NLGN1: variants seen among roughly 807,000 people sequenced by gnomAD.
NLGN1 encodes neuroligin 1.
A neutral mutation model predicts 65.5 loss-of-function variants in NLGN1; 12 were observed. The observed-to-expected ratio is 0.18, with a 90% confidence interval of 0.12 to 0.30. NLGN1 has a LOEUF of 0.30. NLGN1 is among the 10% of genes least tolerant of loss of function. The probability of loss-of-function intolerance (pLI) is 1.00; values close to 1 mark genes in which losing one functional copy is unlikely to be tolerated. For missense variants in NLGN1, 750 were observed against 1,007.1 expected (o/e 0.74, Z 3.46); for synonymous variants, 350 against 359.5 (o/e 0.97, Z 0.30).
At chr3:173,594,099 T>C (rs573064638) in intron 2 of NLGN1, among the ~76,000 whole-genome samples, 1 of 152,258 alleles carries the variant, frequency 6.6e-6, no homozygotes, top group African/African-American at 2.4e-5. Context: ...AAATCTCATG[T>C]CCTCGCATTT....
chr3:174,138,666 C>T (rs911403095), intron 4 of NLGN1, among the ~76,000 whole-genome samples: 2 of 152,006 alleles, frequency 1.3e-5, no homozygotes, highest in Middle Eastern at 3.4e-3. Flanking sequence ...GATCTCCTGA[C>T]CTCGTGATCC....
At chr3:173,884,490 G>T (rs936426352) in intron 4 of NLGN1, among the ~76,000 whole-genome samples, 1 of 152,044 alleles carries the variant, frequency 6.6e-6, no homozygotes, top group Non-Finnish European at 1.5e-5. Flanking sequence ...TTTCTGTAGT[G>T]TCTGGTAATA....
At chr3:174,079,089 T>A (rs1741604142) in intron 4 of NLGN1, among the ~76,000 whole-genome samples, 1 of 152,034 alleles carries the variant, frequency 6.6e-6, no homozygotes, top group South Asian at 2.1e-4. Flanking sequence ...CTGTATATAC[T>A]CTCAAACAGA....
intron 2 of NLGN1, among the ~76,000 whole-genome samples, chr3:173,530,811 T>G (rs1002013848): frequency 6.6e-6 from 1 of 152,134 alleles, no homozygotes; most frequent in Admixed American, 6.6e-5. Flanking sequence ...TAGTTCATCA[T>G]TTTTCTTTTG....
At chr3:173,948,830 T>A (rs1747676362) in intron 4 of NLGN1, among the ~76,000 whole-genome samples, 1 of 152,216 alleles carries the variant, frequency 6.6e-6, no homozygotes, top group African/African-American at 2.4e-5. Context: ...TTGGACATTA[T>A]ACTTGATTAT....
intron 4 of NLGN1, among the ~76,000 whole-genome samples, chr3:174,157,371 A>C (rs902790688): frequency 1.6e-4 from 24 of 151,902 alleles, no homozygotes; most frequent in Non-Finnish European, 2.9e-5. Context: ...GTATATTTTT[A>C]TATGACATCT....
At chr3:173,430,431 G>C (rs959417586) in intron 1 of NLGN1, among the ~76,000 whole-genome samples, 24 of 152,070 alleles carry the variant, frequency 1.6e-4, no homozygotes, top group African/African-American at 5.8e-4. Context: ...CTCTAAGTTT[G>C]GAATTGTCTG....
intron 1 of NLGN1, among the ~76,000 whole-genome samples, chr3:173,417,092 A>AT (rs543187317): frequency 8.5e-4 from 130 of 152,068 alleles, no homozygotes; most frequent in Non-Finnish European, 1.5e-3. Flanking sequence ...AATGCATGTT[A>AT]TTTTTTTCAT....
chr3:174,182,127 C>T (rs1339180107), intron 4 of NLGN1, among the ~76,000 whole-genome samples: 1 of 151,994 alleles, frequency 6.6e-6, no homozygotes, highest in Non-Finnish European at 1.5e-5. Context: ...CCTTAATTAG[C>T]AGAGCCTACC....
chr3:174,140,235 A>T (rs9858659), intron 4 of NLGN1, among the ~76,000 whole-genome samples: 1 of 152,100 alleles, frequency 6.6e-6, no homozygotes, highest in Non-Finnish European at 1.5e-5. Context: ...TTTATATACT[A>T]GCTTGAATAT....
At chr3:173,885,261 GCA>G (rs2150949193) in intron 4 of NLGN1, among the ~76,000 whole-genome samples, 1 of 151,960 alleles carries the variant, frequency 6.6e-6, no homozygotes, top group African/African-American at 2.4e-5. Flanking sequence ...AATCAAATCT[GCA>G]CAGTTTAGAA....
At chr3:173,791,158 T>C (rs574455876) in intron 3 of NLGN1, among the ~76,000 whole-genome samples, 1 of 152,308 alleles carries the variant, frequency 6.6e-6, no homozygotes, top group Admixed American at 6.5e-5. Flanking sequence ...ATTAACTCTT[T>C]AGTTTCTTAA....
At chr3:174,073,443 T>C (rs572158327) in intron 4 of NLGN1, among the ~76,000 whole-genome samples, 1 of 152,178 alleles carries the variant, frequency 6.6e-6, no homozygotes, top group South Asian at 2.1e-4. Context: ...GCAGCACATC[T>C]TTTGAACATA....
chr3:173,462,274 A>T (rs922912781), intron 2 of NLGN1, among the ~76,000 whole-genome samples: 2 of 152,136 alleles, frequency 1.3e-5, no homozygotes, highest in African/African-American at 2.4e-5. Flanking sequence ...TACATATTAC[A>T]TGCTCAATAA....
At chr3:173,729,785 A>T (rs1772464103) in intron 3 of NLGN1, among the ~76,000 whole-genome samples, 1 of 152,112 alleles carries the variant, frequency 6.6e-6, no homozygotes, top group Admixed American at 6.6e-5. Context: ...TCACAATATA[A>T]ATGTGTATGT....
rs560246036 is a variant in NLGN1, at chr3:173,596,177, TTC to T, written c.-320-8092_-320-8091del. 3.3e-5 allele frequency among the ~76,000 whole-genome samples: 5 copies of T among 152,304 alleles called. No individual in the cohort carries two copies. The East Asian group carries it at 7.7e-4, about 23-fold the overall frequency. ...GGCCTTTTCTCATTAACATTCTATT[TTC>T]TCTCTCTCTTTTTTTTAATGTTATT... On this transcript the variant is annotated intron_variant, in intron 2 of 6. Coordinates refer to ENST00000457714, the Ensembl canonical transcript of NLGN1.
chr3:173,652,731 C>A (rs758096014), intron 3 of NLGN1, among the ~76,000 whole-genome samples: 4 of 152,064 alleles, frequency 2.6e-5, no homozygotes, highest in Non-Finnish European at 2.9e-5. Context: ...TATTCGAGCT[C>A]TTTTTTGGTT....
chr3:174,251,016 T>A (rs924346530), intron 4 of NLGN1, among the ~76,000 whole-genome samples: 4 of 152,072 alleles, frequency 2.6e-5, no homozygotes, highest in African/African-American at 9.7e-5. Flanking sequence ...GTGCTGATCA[T>A]TTTTTATCAG....
At chr3:173,536,632 T>A (rs1489601718) in intron 2 of NLGN1, among the ~76,000 whole-genome samples, 2 of 152,208 alleles carry the variant, frequency 1.3e-5, no homozygotes, top group Non-Finnish European at 2.9e-5. Context: ...TTTATCTTAA[T>A]GGTTTTAATT....
Sources: allele counts gnomAD v4.1 joint callset (sites outside exome capture counted in the v4.1 genomes callset), GRCh38; gene constraint gnomAD v4.1.1; transcripts MANE v1.5; gene names NCBI Gene and HGNC (gene_info 2026-07-23, HGNC 2026-07-21).